The following CD82 variants were observed in gnomAD, a reference collection of about 807,000 sequenced individuals.
The protein encoded by CD82 is CD82 molecule, also known as CD82 antigen.
CD82 carries 36 observed loss-of-function variants against 37.4 expected under a neutral mutation model. The observed-to-expected ratio is 0.96, with a 90% CI of 0.74 to 1.27. CD82 has a LOEUF of 1.27. CD82 is among the 50% of genes most tolerant of loss of function. The probability of loss-of-function intolerance (pLI) is 0.00; values close to 1 mark genes in which losing one functional copy is unlikely to be tolerated. For synonymous variants in CD82, 158 were observed against 137.4 expected (o/e 1.15, Z -1.05); for missense variants, 340 against 347.0 (o/e 0.98, Z 0.16).
At chr11:44,578,004 C>A (rs977585366) in intron 1 of CD82, among the ~76,000 whole-genome samples, 1 of 152,172 alleles carries the variant, frequency 6.6e-6, no homozygotes, top group African/African-American at 2.4e-5. Context: ...GTTACTAACC[C>A]CCCTGAGCCT....
upstream of CD82, among the ~76,000 whole-genome samples, chr11:44,564,704 C>T (rs1221868667): frequency 6.6e-6 from 1 of 152,204 alleles, no homozygotes; most frequent in Non-Finnish European, 1.5e-5. Context: ...TCCTCCCTCA[C>T]CTCAGGCAGC....
chr11:44,618,788 A>G (rs1853610621), intron 9 of CD82, 65 bp downstream of exon 9: 1 of 1,417,804 alleles, frequency 7.1e-7, no homozygotes, highest in Non-Finnish European at 9.8e-7. Flanking sequence ...TGTTCTGCTG[A>G]TCTCCTTGGG....
chr11:44,612,793 C>A (rs901251655), intron 6 of CD82, among the ~76,000 whole-genome samples: 1 of 151,680 alleles, frequency 6.6e-6, no homozygotes, highest in Non-Finnish European at 1.5e-5. Context: ...CCATTCACAC[C>A]CAGCTAATTT....
Position 44,619,491 on chromosome 11 carries a change from G to A in CD82, c.*365G>A, listed in dbSNP as rs538794913. The A allele has an allele frequency of 2.3e-3, 425 of 186,166 alleles. 2 individuals carry two copies. Among genetic ancestry groups the A allele is most frequent in the Non-Finnish European group, 3.6e-3 (321 of 88,306 alleles). The allele number at this position is 186,166 out of a possible 1,614,324, so 11.5% of individuals were successfully genotyped here. ...AATTGGGGAGGAGGGGGCCGGGCGCGGTGGCTCACGCCTGTAATCCCAGCA... is the reference window on the plus strand; with the variant it reads ...AATTGGGGAGGAGGGGGCCGGGCGCAGTGGCTCACGCCTGTAATCCCAGCA... On this transcript the variant is annotated 3_prime_UTR_variant, in exon 10 of 10. Coordinates refer to ENST00000227155, the MANE Select transcript of CD82 (RefSeq NM_002231.4).
At chr11:44,583,206 C>T (rs1419160231) in intron 1 of CD82, among the ~76,000 whole-genome samples, 1 of 152,184 alleles carries the variant, frequency 6.6e-6, no homozygotes, top group African/African-American at 2.4e-5. Context: ...AGCAAGGGAG[C>T]TGTGGAAAGC....
At chr11:44,602,446 A>C (rs1207491496) in intron 4 of CD82, among the ~76,000 whole-genome samples, 2 of 152,230 alleles carry the variant, frequency 1.3e-5, no homozygotes, top group Admixed American at 6.5e-5. Context: ...AAAACCCTAC[A>C]TAAGTGATTG....
intron 6 of CD82, among the ~76,000 whole-genome samples, chr11:44,609,077 G>A (rs1362381420): frequency 6.6e-6 from 1 of 152,226 alleles, no homozygotes; most frequent in Non-Finnish European, 1.5e-5. Context: ...AAGGGCTGCG[G>A]GAATGGGGAT....
chr11:44,596,845 T>G (rs1177333739), intron 3 of CD82: 5 of 454,156 alleles, frequency 1.1e-5, no homozygotes, highest in African/African-American at 2.0e-5. Context: ...GGAGCTTGTG[T>G]CCTAGGGAGC....
At chr11:44,573,229 T>TA (rs1852841081) in intron 1 of CD82, 1 of 152,190 alleles carries the variant, frequency 6.6e-6, no homozygotes, top group South Asian at 2.1e-4. Flanking sequence ...TTTTGAATGA[T>TA]ACCTGGTATG....
At chr11:44,596,868 T>A (rs1853235169) in intron 3 of CD82, 1 of 455,752 alleles carries the variant, frequency 2.2e-6, no homozygotes, top group South Asian at 1.5e-5. Flanking sequence ...TGGGCTTCCA[T>A]CAAATAACTA....
chr11:44,608,720 T>G (rs367832161), intron 6 of CD82, among the ~76,000 whole-genome samples: 1 of 152,282 alleles, frequency 6.6e-6, no homozygotes, highest in Non-Finnish European at 1.5e-5. Context: ...AGCAAGGCTA[T>G]GTATGGCCTT....
intron 4 of CD82, 65 bp downstream of exon 4, chr11:44,600,295 C>T: frequency 7.0e-7 from 1 of 1,436,708 alleles, no homozygotes; most frequent in South Asian, 1.1e-5. Flanking sequence ...GGCGCAGATA[C>T]AGCTGCTCCC....
chr11:44,594,941 AC>A, intron 3 of CD82: 1 of 571,572 alleles, frequency 1.7e-6, no homozygotes, highest in Non-Finnish European at 3.2e-6. Flanking sequence ...TGGATTCCTG[AC>A]CCGGCCTTCC....
chr11:44,586,335 C>T (rs2134640668), intron 1 of CD82, among the ~76,000 whole-genome samples: 1 of 152,240 alleles, frequency 6.6e-6, no homozygotes, highest in South Asian at 2.1e-4. Context: ...GGGCCTGTGA[C>T]CTCCTGAAAC....
chr11:44,565,397 G>GTA (rs1852715499), upstream of CD82, among the ~76,000 whole-genome samples: 1 of 151,920 alleles, frequency 6.6e-6, no homozygotes, highest in Non-Finnish European at 1.5e-5. Context: ...AATCCCCAGT[G>GTA]TAACCTGGGG....
At chr11:44,577,027 G>T (rs1380725607) in intron 1 of CD82, among the ~76,000 whole-genome samples, 1 of 152,032 alleles carries the variant, frequency 6.6e-6, no homozygotes, top group Non-Finnish European at 1.5e-5. Context: ...TAGCTGGGCT[G>T]GTGGGTCCTG....
Position 44,618,686 on chromosome 11 carries a change from T to C in CD82, c.689T>C (p.Ile230Thr), listed in dbSNP as rs1853607245. 1.2e-6 allele frequency: 2 copies of C among 1,613,328 alleles called. No individual in the cohort carries two copies. Among genetic ancestry groups the C allele is most frequent in the Admixed American group, 3.3e-5 (2 of 60,002 alleles). The change falls in exon 9 of 10, where the codon ATC becomes ACC. Residue 230 changes from isoleucine to threonine, a missense_variant. By Grantham distance (89) the Ile-to-Thr change is moderately conservative (BLOSUM62 -1). Transcript: ENST00000227155. ...GCGTGGCTGCAGGAGAACCTGGGCA[T>C]CATCCTCGGCGTGGGCGTGGGTGTG... Reference protein sequence around the residue: ...VQAWLQENLGIILGVGVGVAI... With the variant: ...VQAWLQENLGTILGVGVGVAI...
chr11:44,578,702 C>T (rs1208067706), intron 1 of CD82, among the ~76,000 whole-genome samples: 1 of 152,188 alleles, frequency 6.6e-6, no homozygotes, highest in East Asian at 1.9e-4. Context: ...AATCCATCAG[C>T]AATGGAAAGT....
intron 2 of CD82, among the ~76,000 whole-genome samples, chr11:44,591,974 C>T (rs1026389341): frequency 6.6e-6 from 1 of 152,126 alleles, no homozygotes; most frequent in African/African-American, 2.4e-5. Flanking sequence ...CACCCACCCC[C>T]ACGCCTGGCT....
Sources: gnomAD v4.1 joint callset for allele counts (sites outside exome capture counted in the v4.1 genomes callset) on GRCh38, gnomAD v4.1.1 for gene constraint, MANE v1.5 for transcripts, NCBI Gene and HGNC (gene_info 2026-07-23, HGNC 2026-07-21) for gene names.